CAB39L: variants seen among roughly 807,000 people sequenced by gnomAD.
The protein encoded by CAB39L is calcium binding protein 39 like, also known as calcium-binding protein 39-like.
CAB39L carries 23 observed loss-of-function variants against 39.1 expected under a neutral mutation model. The ratio of observed to expected loss-of-function variants is 0.59; its 90% confidence interval spans 0.42 to 0.83. The LOEUF is 0.83. CAB39L is among the 40% of genes least tolerant of loss of function. The pLI, the probability that CAB39L is intolerant of heterozygous loss-of-function variation, is 0.00. For synonymous variants in CAB39L, 126 were observed against 137.2 expected (o/e 0.92, Z 0.57); for missense variants, 366 against 391.9 (o/e 0.93, Z 0.56).
rs1566082890 is a variant in CAB39L at position 49,350,900 on chromosome 13, T to G, written c.408A>C (p.Pro136=). 5 of 1,588,696 alleles carry G rather than the reference T, an allele frequency of 3.1e-6. No individual in the cohort carries two copies. Among genetic ancestry groups the G allele is most frequent in the Non-Finnish European group, 4.3e-6 (5 of 1,169,272 alleles). ...LFMLLKGYEA[P]QIALRCGIML... ...TAATCCCACAACGTAAGGCAATCTG[T>G]GGGGCTTCATATCTAAAGCGTAAAC... is the stretch of plus-strand genomic sequence containing the variant. The change falls in exon 7 of 11, where the codon CCA becomes CCC. Residue 136 remains proline (P), a synonymous_variant. Transcript: ENST00000409308.
In CAB39L at chr13:49,421,254, G is replaced by A. The variant is rs192442631; in HGVS notation, c.-32+12064C>T. Among the ~76,000 whole-genome samples the A allele has an allele frequency of 2.6e-5, 4 of 152,252 alleles. No individual in the cohort carries two copies. The East Asian group carries it at 7.7e-4, about 29-fold the overall frequency. On this transcript the variant is annotated intron_variant, in intron 3 of 10. Transcript: ENST00000409308. The stretch of plus-strand genomic sequence containing the variant: ...TAGCCAAAGGAACATGAAAGGGGCA[G>A]CAAGACAGAAAACTTAAAGGCAATA...
chr13:49,414,814 C>A lies in CAB39L; in HGVS notation c.-32+18504G>T, dbSNP rs1398813820. Among the ~76,000 whole-genome samples, 7 of 152,160 alleles carry A rather than the reference C, an allele frequency of 4.6e-5. No individual in the cohort carries two copies. In the South Asian group the frequency reaches 1.5e-3, roughly 32 times the overall value. On this transcript the variant is annotated intron_variant, in intron 3 of 10. Transcript: ENST00000409308. ...CTTCTTTATAATTTTCTGTAACAAT[C>A]AAATTTTCTACAATAGCATTTATAA... is the stretch of plus-strand genomic sequence containing the variant.
At chr13:49,359,905 C>T (rs1430363249) in intron 5 of CAB39L, 73 bp from the exon 6 acceptor site, 10 of 790,166 alleles carry the variant, frequency 1.3e-5, no homozygotes, top group Admixed American at 2.1e-5. Flanking sequence ...GGAATATATA[C>T]ATATATATAT....
intron 5 of CAB39L, among the ~76,000 whole-genome samples, chr13:49,366,340 CTACT>C (rs1955770215): frequency 6.6e-6 from 1 of 151,630 alleles, no homozygotes; most frequent in Non-Finnish European, 1.5e-5. Flanking sequence ...TATACACTAC[CTACT>C]ATGTACCCAC....
At chr13:49,382,725 C>T (rs1028246473) in intron 4 of CAB39L, 75 bp downstream of exon 4, 2 of 899,952 alleles carry the variant, frequency 2.2e-6, no homozygotes, top group African/African-American at 3.3e-5. Flanking sequence ...TTGAATTCTT[C>T]ATTAAGCTTT....
At chr13:49,329,581 ATATATATATATATATAATG>A in intron 10 of CAB39L, among the ~76,000 whole-genome samples, 1 of 114,024 alleles carries the variant, frequency 8.8e-6, no homozygotes, top group Non-Finnish European at 1.8e-5. Context: ...ATATATATAT[ATATATATATATATATAATG>A]ATGTAATAAA....
intron 10 of CAB39L, among the ~76,000 whole-genome samples, chr13:49,311,846 CT>C (rs1954001810): frequency 6.6e-6 from 1 of 152,106 alleles, no homozygotes; most frequent in South Asian, 2.1e-4. Context: ...AAAAAATAAA[CT>C]TTTTATAAAA....
intron 1 of CAB39L, among the ~76,000 whole-genome samples, chr13:49,442,841 T>C (rs1308483668): frequency 1.3e-5 from 2 of 151,456 alleles, no homozygotes; most frequent in Non-Finnish European, 2.9e-5. Flanking sequence ...TTGCTGTTTG[T>C]TTTGTTTTTT....
chr13:49,313,724 C>T (rs1318083036), intron 10 of CAB39L, among the ~76,000 whole-genome samples: 1 of 152,174 alleles, frequency 6.6e-6, no homozygotes. Context: ...TGTCTCTGAG[C>T]CCTACAGAGC....
intron 3 of CAB39L, among the ~76,000 whole-genome samples, chr13:49,431,026 T>C (rs1179623357): frequency 6.6e-6 from 1 of 152,222 alleles, no homozygotes; most frequent in African/African-American, 2.4e-5. Flanking sequence ...TAAGAAATAA[T>C]TAACAATAAG....
intron 3 of CAB39L, among the ~76,000 whole-genome samples, chr13:49,429,829 T>C (rs1481722001): frequency 2.0e-5 from 3 of 152,236 alleles, no homozygotes; most frequent in Non-Finnish European, 4.4e-5. Flanking sequence ...TTCACTTTGT[T>C]CTTATGAGAA....
At position 49,366,813 on chromosome 13, in the gene CAB39L, C is replaced by T. The variant is rs773889259; in HGVS notation, c.277-6981G>A. Among the ~76,000 whole-genome samples, 8 of 151,868 alleles carry T rather than the reference C, an allele frequency of 5.3e-5. No individual in the cohort carries two copies. The East Asian group carries it at 1.4e-3, about 26-fold the overall frequency. ...GGCAGATCACCAGAGGTCAGGAGTT[C>T]GAGACCAGCCTGACCAACGTGGTGA... is the stretch of plus-strand genomic sequence containing the variant. On this transcript the variant is annotated intron_variant, in intron 5 of 10. Transcript: ENST00000409308.
chr13:49,369,174 A>T (rs946692426), intron 5 of CAB39L, among the ~76,000 whole-genome samples: 2 of 152,188 alleles, frequency 1.3e-5, no homozygotes, highest in East Asian at 3.8e-4. Flanking sequence ...AAACAAAACA[A>T]AAAGTTGACA....
Position 49,323,337 on chromosome 13 carries a change from C to T in CAB39L, c.834+8610G>A, listed in dbSNP as rs371877466. Among the ~76,000 whole-genome samples the T allele has an allele frequency of 1.6e-4, 24 of 152,364 alleles. 1 individual carries two copies. The South Asian group carries it at 5.0e-3, about 32-fold the overall frequency. ...GACTTTTCTGCTCTTTGTGCCATCA[C>T]TTTCTCAATGATTTTATTTCCTTCC... On this transcript the variant is annotated intron_variant, in intron 10 of 10. Transcript: ENST00000409308.
At chr13:49,442,036 ATTGT>A (rs1170933048) in intron 1 of CAB39L, among the ~76,000 whole-genome samples, 2 of 152,174 alleles carry the variant, frequency 1.3e-5, no homozygotes, top group Non-Finnish European at 2.9e-5. Flanking sequence ...CAGGAAATGT[ATTGT>A]TTGTTTTGAC....
rs1465509751 is a variant in CAB39L at position 49,378,621 on chromosome 13, G to A, written c.112-1490C>T. On this transcript the variant is annotated intron_variant, in intron 4 of 10. Transcript: ENST00000409308. ...AGCCCTCCGCCCGGCCAGCCGCCCC[G>A]TCCGGGAGGTGAGGGGCGCCTCTGC... Among the ~76,000 whole-genome samples the A allele has an allele frequency of 1.3e-4, 9 of 67,628 alleles. 1 individual carries two copies. Among genetic ancestry groups the A allele is most frequent in the African/African-American group, 1.8e-4 (2 of 11,016 alleles). 44.4% of individuals were successfully genotyped at this position (67,628 alleles called of 152,430 possible). A position where few individuals can be genotyped will look rare whatever the true frequency, so the allele number is the denominator to read the frequency against.
chr13:49,434,564 C>G (rs1177432044), intron 1 of CAB39L, among the ~76,000 whole-genome samples: 1 of 152,032 alleles, frequency 6.6e-6, no homozygotes, highest in East Asian at 1.9e-4. Context: ...TGTCCAACAA[C>G]TATCAACATT....
chr13:49,437,829 ATAT>A (rs1480694246), intron 1 of CAB39L, among the ~76,000 whole-genome samples: 3 of 151,918 alleles, frequency 2.0e-5, no homozygotes, highest in Admixed American at 6.6e-5. Context: ...TTATTATTTA[ATAT>A]TATTTTGACA....
chr13:49,407,797 G>T (rs982704545), intron 3 of CAB39L, among the ~76,000 whole-genome samples: 3 of 148,794 alleles, frequency 2.0e-5, no homozygotes, highest in African/African-American at 7.5e-5. Flanking sequence ...GGAGGCTGAG[G>T]CAGGTGGATT....
Sources: gnomAD v4.1 joint callset for allele counts (sites outside exome capture counted in the v4.1 genomes callset) on GRCh38, gnomAD v4.1.1 for gene constraint, MANE v1.5 for transcripts, NCBI Gene and HGNC (gene_info 2026-07-23, HGNC 2026-07-21) for gene names.